The following PDE6C variants were observed in gnomAD, a reference collection of about 807,000 sequenced individuals.
PDE6C encodes phosphodiesterase 6C.
PDE6C carries 75 observed loss-of-function variants against 113.1 expected under a neutral mutation model. That is an observed-to-expected ratio of 0.66 (90% confidence interval 0.55 to 0.80). The LOEUF (loss-of-function observed/expected upper bound fraction) is 0.80. PDE6C is among the 30% of genes least tolerant of loss of function. The pLI is 0.00. For synonymous variants in PDE6C, 375 were observed against 363.7 expected (o/e 1.03, Z -0.35); for missense variants, 912 against 1,038.6 (o/e 0.88, Z 1.67).
rs745628819 is a variant in PDE6C, at chr10:93,663,000, G to T, written c.2368-28G>T. The T allele has an allele frequency of 3.1e-6, 5 of 1,588,066 alleles. No individual in the cohort carries two copies. The Admixed American group carries it at 8.4e-5, about 27-fold the overall frequency. ...CCTGAAAATTAACTGTATGATTTAT[G>T]TAGTTTCTGACCTAAAATTCCTTTT... On this transcript the variant is annotated intron_variant, in intron 20 of 21. Transcript: ENST00000371447.
chr10:93,647,663 G>C (rs1041151563), intron 15 of PDE6C, among the ~76,000 whole-genome samples: 2 of 152,088 alleles, frequency 1.3e-5, no homozygotes, highest in African/African-American at 2.4e-5. Context: ...TTAACAGGGC[G>C]GGGGCAGACA....
chr10:93,622,119 AAC>A, intron 4 of PDE6C, 47 bp downstream of exon 4: 2 of 1,541,310 alleles, frequency 1.3e-6, no homozygotes, highest in Non-Finnish European at 1.8e-6. Context: ...TCGCCTATAT[AAC>A]ACACACCACA....
chr10:93,636,251 C>T (rs939300473), intron 10 of PDE6C, among the ~76,000 whole-genome samples: 2 of 152,146 alleles, frequency 1.3e-5, no homozygotes, highest in African/African-American at 4.8e-5. Context: ...ATCACGAAGA[C>T]CAACCTTATA....
At chr10:93,662,722 G>A (rs2058671821) in intron 20 of PDE6C, 79 bp downstream of exon 20, 3 of 784,006 alleles carry the variant, frequency 3.8e-6, no homozygotes, top group African/African-American at 3.4e-5. Context: ...CCAAAATTTA[G>A]AAGTCACCCA....
intron 1 of PDE6C, among the ~76,000 whole-genome samples, chr10:93,616,652 C>CTTTTT (rs11418985): frequency 7.6e-5 from 9 of 118,464 alleles, no homozygotes; most frequent in Admixed American, 9.1e-5. Context: ...GGCAGGAAGA[C>CTTTTT]TTTTTTTTTT....
intron 14 of PDE6C, among the ~76,000 whole-genome samples, chr10:93,645,106 A>G (rs900756739): frequency 6.6e-6 from 1 of 151,928 alleles, no homozygotes; most frequent in African/African-American, 2.4e-5. Flanking sequence ...GATAGAAAGC[A>G]GTTTGGTGGT....
chr10:93,631,419 C>A (rs941829560), intron 8 of PDE6C, among the ~76,000 whole-genome samples: 2 of 152,264 alleles, frequency 1.3e-5, no homozygotes, highest in Non-Finnish European at 2.9e-5. Flanking sequence ...GGAAGACAGC[C>A]AGATACCCTG....
chr10:93,618,459 G>A (rs1402053924), intron 1 of PDE6C, among the ~76,000 whole-genome samples: 1 of 152,184 alleles, frequency 6.6e-6, no homozygotes, highest in East Asian at 1.9e-4. Context: ...TTTCAGCCAA[G>A]AAAGTCTGAC....
rs547315589 is a variant in PDE6C at position 93,613,172 on chromosome 10, G to A, written c.447G>A (p.Thr149=). ...DIGIVGWAAH[T]KKTHNVPDVK... ...GGATAGTGGGTTGGGCTGCTCACAC[G>A]AAGAAAACTCATAATGTCCCAGATG... The change falls in exon 1 of 22, where the codon ACG becomes ACA. Residue 149 remains threonine (T), a synonymous_variant. Transcript: ENST00000371447. 19 of 1,613,878 alleles carry A rather than the reference G, an allele frequency of 1.2e-5. No individual in the cohort carries two copies. Among genetic ancestry groups the A allele is most frequent in the African/African-American group, 4.0e-5 (3 of 75,058 alleles).
At chr10:93,620,329 T>C (rs977074873) in intron 1 of PDE6C, among the ~76,000 whole-genome samples, 4 of 152,196 alleles carry the variant, frequency 2.6e-5, no homozygotes, top group African/African-American at 7.2e-5. Context: ...TTCCCCTCTC[T>C]TCCTCTTAGC....
intron 16 of PDE6C, among the ~76,000 whole-genome samples, chr10:93,657,342 T>A (rs2058643099): frequency 7.1e-6 from 1 of 141,686 alleles, no homozygotes; most frequent in African/African-American, 2.6e-5. Flanking sequence ...TTTTTTTTTT[T>A]TTTTTTTTTT....
chr10:93,625,716 A>T (rs1589694633), intron 5 of PDE6C, 67 bp downstream of exon 5: 2 of 1,066,122 alleles, frequency 1.9e-6, no homozygotes, highest in Non-Finnish European at 2.9e-6. Context: ...AAGAGGCCAC[A>T]GTGCATAGAG....
rs770812539 is a variant in PDE6C, at chr10:93,612,940, AG to A, written c.221del (p.Gly74AlafsTer69). On this transcript the variant is annotated frameshift_variant, in exon 1 of 22. Coordinates refer to ENST00000371447, the MANE Select transcript of PDE6C (RefSeq NM_006204.4). LOFTEE classifies it high-confidence loss of function. ...CLELLWTVQE[E>X]GGTPEQGVHR... ...GAGCTGCTGTGGACCGTGCAGGAGG[AG>A]GGGGGCACCCCAGAGCAGGGGGTTC... The A allele has an allele frequency of 1.2e-6, 2 of 1,613,912 alleles. No homozygotes were observed. Among genetic ancestry groups the A allele is most frequent in the Non-Finnish European group, 1.7e-6 (2 of 1,179,970 alleles).
chr10:93,635,470 A>G, intron 9 of PDE6C, 27 bp from the exon 10 acceptor site: 1 of 1,602,074 alleles, frequency 6.2e-7, no homozygotes, highest in South Asian at 1.1e-5. Flanking sequence ...ACTGAAGAGA[A>G]TTAGAATCAC....
In PDE6C at chr10:93,625,619, T is replaced by C. The variant is rs201884878; in HGVS notation, c.909T>C (p.Pro303=). 3.7e-6 allele frequency: 6 copies of C among 1,613,554 alleles called. No individual in the cohort carries two copies. Among genetic ancestry groups the C allele is most frequent in the Non-Finnish European group, 5.1e-6 (6 of 1,179,496 alleles). The change falls in exon 5 of 22, where the codon CCT becomes CCC. Residue 303 remains proline, a synonymous_variant. Transcript: ENST00000371447. The part of the protein sequence containing the change: ...EWPIKLGEVE[P]YKGPKTPDGR... Reference sequence around the variant, plus strand: ...CAATCAAGCTTGGAGAAGTAGAGCCTTATAAAGGTCCAAAGACACCTGATG... The same window carrying C: ...CAATCAAGCTTGGAGAAGTAGAGCCCTATAAAGGTCCAAAGACACCTGATG...
chr10:93,647,978 A>G (rs1344475892), intron 15 of PDE6C, among the ~76,000 whole-genome samples: 1 of 152,210 alleles, frequency 6.6e-6, no homozygotes, highest in Non-Finnish European at 1.5e-5. Context: ...TGTAAATCCC[A>G]CTGTTTATAT....
chr10:93,642,162 G>A (rs1277174115), intron 14 of PDE6C, among the ~76,000 whole-genome samples: 1 of 152,074 alleles, frequency 6.6e-6, no homozygotes, highest in Non-Finnish European at 1.5e-5. Flanking sequence ...TCAGGAGTTG[G>A]ACACCAGCCT....
At position 93,635,852 on chromosome 10, in the gene PDE6C, T is replaced by C. The variant is rs576430991; in HGVS notation, c.1413+212T>C. On this transcript the variant is annotated intron_variant, in intron 10 of 21. Transcript: ENST00000371447. ...CAGCTGCTTGGCTGGAATAGCACTT[T>C]GTTCAAAACAGCCCTGGGGCTATGG... 7.9e-4 allele frequency among the ~76,000 whole-genome samples: 121 copies of C among 152,310 alleles called. No homozygotes were observed. In the South Asian group the frequency reaches 0.013, roughly 17 times the overall value.
At chr10:93,634,378 C>A (rs149304559) in intron 8 of PDE6C, among the ~76,000 whole-genome samples, 1 of 152,102 alleles carries the variant, frequency 6.6e-6, no homozygotes, top group Non-Finnish European at 1.5e-5. Context: ...GGGAGGAGTA[C>A]AGGACAGTCT....
Sources: allele counts gnomAD v4.1 joint callset (sites outside exome capture counted in the v4.1 genomes callset), GRCh38; gene constraint gnomAD v4.1.1; transcripts MANE v1.5; gene names NCBI Gene and HGNC (gene_info 2026-07-23, HGNC 2026-07-21).